The following RNF43 variants were observed in gnomAD, a reference collection of about 807,000 sequenced individuals.
The protein encoded by RNF43 is E3 ubiquitin-protein ligase RNF43.
In RNF43, 37 loss-of-function variants were observed where a neutral mutation model predicts 78.4. The ratio of observed to expected loss-of-function variants is 0.47; its 90% CI spans 0.36 to 0.62. RNF43 has a LOEUF of 0.62. Among genes scored for constraint, RNF43 ranks in the 20% least tolerant of loss-of-function variants. The pLI is 0.00. For missense variants in RNF43, 774 were observed against 1,007.9 expected (o/e 0.77, Z 3.14); for synonymous variants, 347 against 395.0 (o/e 0.88, Z 1.44).
intron 2 of RNF43, among the ~76,000 whole-genome samples, chr17:58,377,840 T>C (rs1973237480): frequency 6.6e-6 from 1 of 152,098 alleles, no homozygotes; most frequent in Non-Finnish European, 1.5e-5. Context: ...AAAGGCATCA[T>C]TCTCCCCATT....
At chr17:58,397,060 T>C (rs1973697065) in intron 2 of RNF43, among the ~76,000 whole-genome samples, 2 of 148,950 alleles carry the variant, frequency 1.3e-5, no homozygotes, top group South Asian at 2.1e-4. Context: ...AAAAAAAAAC[T>C]CCGTGTGTGT....
chr17:58,392,019 A>G (rs758551991), intron 2 of RNF43, among the ~76,000 whole-genome samples: 8 of 152,232 alleles, frequency 5.3e-5, no homozygotes, highest in Admixed American at 2.6e-4. Context: ...GATGAAACAG[A>G]AATCTACACC....
chr17:58,368,812 T>C (rs533589885), intron 3 of RNF43, among the ~76,000 whole-genome samples: 2 of 152,156 alleles, frequency 1.3e-5, no homozygotes, highest in East Asian at 1.9e-4. Flanking sequence ...TGTATTAACA[T>C]GTTGAACTAA....
intron 2 of RNF43, among the ~76,000 whole-genome samples, chr17:58,379,396 G>T (rs1026614175): frequency 2.0e-5 from 3 of 152,172 alleles, no homozygotes; most frequent in African/African-American, 7.2e-5. Flanking sequence ...ACGCTGCTCA[G>T]AGACACTTTC....
chr17:58,403,767 T>G (rs554226429), intron 2 of RNF43, among the ~76,000 whole-genome samples: 1 of 152,192 alleles, frequency 6.6e-6, no homozygotes, highest in Admixed American at 6.5e-5. Context: ...ACCCCATGGG[T>G]GAACACCCAC....
chr17:58,361,153 T>C (rs578054542), intron 6 of RNF43, among the ~76,000 whole-genome samples: 1 of 152,374 alleles, frequency 6.6e-6, no homozygotes, highest in South Asian at 2.1e-4. Context: ...CATTAGCTTT[T>C]CTTCCTTTGA....
chr17:58,369,540 C>T (rs889201555), intron 3 of RNF43, among the ~76,000 whole-genome samples: 4 of 152,232 alleles, frequency 2.6e-5, no homozygotes, highest in African/African-American at 7.2e-5. Context: ...TCTCTCACCA[C>T]CCTTGGGGGC....
At chr17:58,401,629 C>A (rs767875204) in intron 2 of RNF43, among the ~76,000 whole-genome samples, 1 of 152,118 alleles carries the variant, frequency 6.6e-6, no homozygotes, top group African/African-American at 2.4e-5. Flanking sequence ...ATTGACATTG[C>A]TTGAAAAAGT....
intron 2 of RNF43, among the ~76,000 whole-genome samples, chr17:58,374,947 T>C (rs985232873): frequency 6.6e-6 from 1 of 152,106 alleles, no homozygotes; most frequent in African/African-American, 2.4e-5. Flanking sequence ...GGAACCATCA[T>C]CCATCTATTA....
chr17:58,402,751 C>T (rs563671987), intron 2 of RNF43: 1 of 152,344 alleles, frequency 6.6e-6, no homozygotes, highest in African/African-American at 2.4e-5. Context: ...GTGGTTGTGT[C>T]TCTTTATGCC....
In RNF43 at chr17:58,363,614, C is replaced by T. The variant is rs745640921; in HGVS notation, c.376-14G>A. ...CGCCATCCGAGCCTGCAGAGGCACA[C>T]AGTAGAGGTTGGGCTGAGGTCAGGG... On this transcript the variant is annotated splice_polypyrimidine_tract_variant and intron_variant, in intron 3 of 9. Transcript: ENST00000407977. The T allele has an allele frequency of 6.2e-7, 1 of 1,606,580 alleles. No homozygotes were observed. Among genetic ancestry groups the T allele is most frequent in the South Asian group, 1.1e-5 (1 of 90,262 alleles).
rs773453980 is a variant in RNF43 at position 58,358,170 on chromosome 17, C to T, written c.1606G>A (p.Val536Met). Residue 536 changes from valine (V) to methionine (M), a missense_variant, in exon 9 of 10, where the codon GTG becomes ATG. Physicochemically the swap from Val to Met is conservative, Grantham distance 21. Transcript: ENST00000407977. This position sits in a 1 kb window ranked among gnomAD's most constrained non-coding sequence, Gnocchi z 6.2. ...ACCTGGGTTTCCCCTGTGGGCACCA[C>T]CGAGTCCAAGGAACGAGGCCGAGAG... is the stretch of plus-strand genomic sequence containing the variant. ...VTSRPRSLDS[V>M]VPTGETQVSS... The T allele has an allele frequency of 2.5e-6, 4 of 1,612,564 alleles. No homozygotes were observed.
At chr17:58,384,584 C>T (rs1973392572) in intron 2 of RNF43, among the ~76,000 whole-genome samples, 1 of 152,120 alleles carries the variant, frequency 6.6e-6, no homozygotes, top group African/African-American at 2.4e-5. Context: ...TAGTACCACC[C>T]GTTCCACAAA....
downstream of RNF43, chr17:58,352,587 T>C (rs1044249802): frequency 8.4e-5 from 18 of 215,228 alleles, no homozygotes; most frequent in East Asian, 8.2e-4. Context: ...TTTAGAAGCA[T>C]TGGGGGCAGT....
At chr17:58,369,734 A>G (rs1973039919) in intron 3 of RNF43, among the ~76,000 whole-genome samples, 1 of 152,194 alleles carries the variant, frequency 6.6e-6, no homozygotes. Flanking sequence ...TCTGATCTTC[A>G]CTTGTCTCAT....
chr17:58,352,959 G>C (rs1401386025), downstream of RNF43: 1 of 216,062 alleles, frequency 4.6e-6, no homozygotes, highest in East Asian at 6.9e-5. Context: ...ACCTTTCTCG[G>C]GGAAGCAGAA....
chr17:58,399,799 G>A (rs370625598), intron 2 of RNF43, among the ~76,000 whole-genome samples: 6 of 151,932 alleles, frequency 3.9e-5, no homozygotes, highest in African/African-American at 1.4e-4. Flanking sequence ...GTACCACCAC[G>A]CCTGGCTAAT....
intron 2 of RNF43, among the ~76,000 whole-genome samples, chr17:58,391,697 A>C (rs1235239496): frequency 6.6e-6 from 1 of 152,208 alleles, no homozygotes; most frequent in Non-Finnish European, 1.5e-5. Flanking sequence ...CCCACCCGTC[A>C]GATATTATCA....
At chr17:58,409,699 G>T (rs1274827975) in intron 2 of RNF43, among the ~76,000 whole-genome samples, 1 of 151,978 alleles carries the variant, frequency 6.6e-6, no homozygotes, top group African/African-American at 2.4e-5. Flanking sequence ...ACTGCAGACA[G>T]CAGGGCAAAA....
Sources: allele counts gnomAD v4.1 joint callset (sites outside exome capture counted in the v4.1 genomes callset), GRCh38; gene constraint gnomAD v4.1.1; non-coding constraint Gnocchi (gnomAD v3.1); transcripts MANE v1.5; gene names NCBI Gene and HGNC (gene_info 2026-07-23, HGNC 2026-07-21).